ADGB: variants seen among roughly 807,000 people sequenced by gnomAD.
The protein encoded by ADGB is androglobin.
Under a neutral mutation model 210.5 loss-of-function variants are expected in ADGB, and 172 were observed. That is an observed-to-expected ratio of 0.82 (90% CI 0.72 to 0.93). ADGB has a LOEUF of 0.93. ADGB is among the 40% of genes least tolerant of loss of function. The pLI, the probability that ADGB is intolerant of heterozygous loss-of-function variation, is 0.00. For synonymous variants in ADGB, 658 were observed against 662.7 expected (o/e 0.99, Z 0.11); for missense variants, 2,025 against 1,964.8 (o/e 1.03, Z -0.58).
intron 18 of ADGB, 30 bp from the exon 19 acceptor site, chr6:146,726,053 C>G: frequency 7.0e-7 from 1 of 1,422,938 alleles, no homozygotes; most frequent in Non-Finnish European, 9.7e-7. Flanking sequence ...AGGAAGCACT[C>G]GGTTATCATC....
chr6:146,629,694 G>C (rs1009751311), intron 1 of ADGB, among the ~76,000 whole-genome samples: 2 of 152,028 alleles, frequency 1.3e-5, no homozygotes, highest in African/African-American at 4.8e-5. Context: ...CTGTAGGCTT[G>C]TGTCAATACT....
intron 7 of ADGB, 131 bp from the exon 8 acceptor site, chr6:146,672,089 C>G (rs1367816606): frequency 2.5e-6 from 3 of 1,219,794 alleles, no homozygotes; most frequent in Admixed American, 3.0e-5. Flanking sequence ...GTTCTTTTAA[C>G]TAAAAATTTG....
intron 12 of ADGB, among the ~76,000 whole-genome samples, chr6:146,698,085 T>A (rs1315078471): frequency 6.6e-6 from 1 of 152,132 alleles, no homozygotes; most frequent in East Asian, 1.9e-4. Context: ...TTATCTGTGG[T>A]GAGGAGAGTT....
intron 29 of ADGB, among the ~76,000 whole-genome samples, chr6:146,777,614 T>A (rs950541667): frequency 6.6e-6 from 1 of 152,116 alleles, no homozygotes; most frequent in Non-Finnish European, 1.5e-5. Flanking sequence ...TGCCCAGAAA[T>A]CTGTTCTATG....
intron 16 of ADGB, among the ~76,000 whole-genome samples, chr6:146,718,048 CAGCT>C (rs1322412168): frequency 6.6e-6 from 1 of 152,064 alleles, no homozygotes; most frequent in African/African-American, 2.4e-5. Flanking sequence ...TGCTGTTGTT[CAGCT>C]AATGCCTAGA....
chr6:146,724,074 TA>T, intron 17 of ADGB, 111 bp from the exon 18 acceptor site: 1 of 893,466 alleles, frequency 1.1e-6, no homozygotes, highest in Non-Finnish European at 1.6e-6. Flanking sequence ...GTAATATTTC[TA>T]ATGCTTGATT....
intron 25 of ADGB, among the ~76,000 whole-genome samples, chr6:146,745,464 T>C (rs540716548): frequency 6.6e-6 from 1 of 152,350 alleles, no homozygotes; most frequent in Non-Finnish European, 1.5e-5. Context: ...CTATTAATTT[T>C]ACAGTTTTAC....
rs370591540 is a variant in ADGB at position 146,788,611 on chromosome 6, G to C, written c.4537+1G>C. On this transcript the variant is annotated splice_donor_variant, in intron 33 of 35. Transcript: ENST00000397944. LOFTEE classifies it high-confidence loss of function. ...CAGAGCACACGGAAGGAAAACATTCGTAAGTATTGCTGTCATTGGTAACAT... is the reference window on the plus strand; with the variant it reads ...CAGAGCACACGGAAGGAAAACATTCCTAAGTATTGCTGTCATTGGTAACAT... The C allele has an allele frequency of 1.3e-6, 2 of 1,550,098 alleles. No homozygotes were observed. Among genetic ancestry groups the C allele is most frequent in the Non-Finnish European group, 1.7e-6 (2 of 1,145,856 alleles).
intron 33 of ADGB, among the ~76,000 whole-genome samples, chr6:146,798,902 A>C (rs551276739): frequency 6.6e-6 from 1 of 152,162 alleles, no homozygotes; most frequent in East Asian, 1.9e-4. Context: ...TAAATTATCT[A>C]AATATAGAGA....
intron 27 of ADGB, among the ~76,000 whole-genome samples, chr6:146,753,780 C>T (rs1386302737): frequency 1.3e-5 from 2 of 151,738 alleles, no homozygotes; most frequent in African/African-American, 4.8e-5. Flanking sequence ...TTAACATACT[C>T]CTATGTTTAG....
chr6:146,780,295 A>G (rs1200290471), intron 29 of ADGB, among the ~76,000 whole-genome samples: 1 of 152,164 alleles, frequency 6.6e-6, no homozygotes, highest in Non-Finnish European at 1.5e-5. Context: ...ATTGAGAAAT[A>G]AAAAACAAGG....
At chr6:146,612,658 A>G (rs1194416816) in intron 1 of ADGB, among the ~76,000 whole-genome samples, 1 of 152,150 alleles carries the variant, frequency 6.6e-6, no homozygotes, top group East Asian at 1.9e-4. Flanking sequence ...GGTTTTTCTT[A>G]TCCAAATTAC....
chr6:146,733,080 A>G (rs1777020990), intron 20 of ADGB, 40 bp from the exon 21 acceptor site: 2 of 1,391,082 alleles, frequency 1.4e-6, no homozygotes, highest in Non-Finnish European at 9.5e-7. Flanking sequence ...TGGCCAGATG[A>G]TGGTATTTTC....
rs941370996 is a variant in ADGB, at chr6:146,672,473, A to G, written c.1087+6A>G. 6.5e-6 allele frequency: 10 copies of G among 1,527,312 alleles called. No individual in the cohort carries two copies. Among genetic ancestry groups the G allele is most frequent in the Non-Finnish European group, 7.9e-6 (9 of 1,138,464 alleles). 94.6% of individuals were successfully genotyped at this position (1,527,312 alleles called of 1,614,324 possible). A position where few individuals can be genotyped will look rare whatever the true frequency, so the allele number is the denominator to read the frequency against. On this transcript the variant is annotated splice_donor_region_variant and intron_variant, in intron 8 of 35. Coordinates refer to ENST00000397944, the MANE Select transcript of ADGB (RefSeq NM_024694.4). ...AAGCGACAAAGTTCCAAAGGGTAAG[A>G]TATTTTACATCAAAATGTGATTCAG...
At chr6:146,726,819 T>G (rs981541150) in intron 19 of ADGB, among the ~76,000 whole-genome samples, 4 of 152,194 alleles carry the variant, frequency 2.6e-5, no homozygotes, top group Non-Finnish European at 5.9e-5. Context: ...TAAATATCAG[T>G]GCAGTCCTTT....
intron 13 of ADGB, among the ~76,000 whole-genome samples, chr6:146,706,930 T>G (rs1316489566): frequency 1.3e-5 from 2 of 151,646 alleles, no homozygotes; most frequent in Admixed American, 1.3e-4. Context: ...GGGTTTAGTT[T>G]GCTTTCTTTT....
At chr6:146,755,420 T>C (rs538607930) in intron 27 of ADGB, among the ~76,000 whole-genome samples, 1 of 152,224 alleles carries the variant, frequency 6.6e-6, no homozygotes, top group South Asian at 2.1e-4. Context: ...CCCCATGCTA[T>C]TTTCGGGATA....
At chr6:146,645,057 TC>T (rs753320583) in intron 3 of ADGB, among the ~76,000 whole-genome samples, 192 bp downstream of exon 3, 5 of 152,036 alleles carry the variant, frequency 3.3e-5, no homozygotes, top group African/African-American at 4.8e-5. Flanking sequence ...TGTACTGGCT[TC>T]TAAGAGATTA....
Position 146,614,932 on chromosome 6 carries a change from G to A in ADGB, c.74+15818G>A, listed in dbSNP as rs538052957. On this transcript the variant is annotated intron_variant, in intron 1 of 35. Coordinates refer to ENST00000397944, the MANE Select transcript of ADGB (RefSeq NM_024694.4). ...ATTCTTTTTTTTGAGACAGAGTCTC[G>A]CTCTGTCGCCCAGGCTGGAGTGCAG... Among the ~76,000 whole-genome samples, 21 of 152,170 alleles carry A rather than the reference G, an allele frequency of 1.4e-4. 1 individual carries two copies. The South Asian group carries it at 4.2e-3, about 30-fold the overall frequency.
Sources: allele counts gnomAD v4.1 joint callset (sites outside exome capture counted in the v4.1 genomes callset), GRCh38; gene constraint gnomAD v4.1.1; transcripts MANE v1.5; gene names NCBI Gene and HGNC (gene_info 2026-07-23, HGNC 2026-07-21).